Variants in FAM107B observed in about 807,000 individuals in gnomAD.
FAM107B encodes family with sequence similarity 107 member B, also known as protein FAM107B.
In FAM107B, 21 loss-of-function variants were observed where a neutral mutation model predicts 31.5. The ratio of observed to expected loss-of-function variants is 0.67; its 90% CI spans 0.47 to 0.96. The LOEUF (loss-of-function observed/expected upper bound fraction) is 0.96. FAM107B is among the 40% of genes least tolerant of loss of function. The pLI, the probability that FAM107B is intolerant of heterozygous loss-of-function variation, is 0.00. For missense variants in FAM107B, 452 were observed against 377.1 expected (o/e 1.20, Z -1.64); for synonymous variants, 157 against 141.5 (o/e 1.11, Z -0.78).
At chr10:14,677,355 C>T (rs555096906) in intron 1 of FAM107B, among the ~76,000 whole-genome samples, 150 of 152,310 alleles carry the variant, frequency 9.8e-4, no homozygotes, top group African/African-American at 3.4e-3. Flanking sequence ...GGCGCGGTGG[C>T]TCAATCCTGT....
chr10:14,639,563 A>G (rs1010701484), intron 2 of FAM107B, among the ~76,000 whole-genome samples: 4 of 152,014 alleles, frequency 2.6e-5, no homozygotes, highest in African/African-American at 9.7e-5. Flanking sequence ...TCTCAAGACT[A>G]CCCCCAAGAT....
At chr10:14,757,794 C>T (rs1832959779) in intron 1 of FAM107B, among the ~76,000 whole-genome samples, 1 of 152,158 alleles carries the variant, frequency 6.6e-6, no homozygotes, top group African/African-American at 2.4e-5. Context: ...CAAGATCTCC[C>T]GTTGAAATCA....
At chr10:14,683,455 C>T (rs12264162) in intron 1 of FAM107B, among the ~76,000 whole-genome samples, 35,081 of 152,096 alleles carry the variant, frequency 0.23, 4,505 homozygotes, top group East Asian at 0.5. Context: ...ATTCGTTGCA[C>T]GGTGGAAATT....
chr10:14,660,944 C>CA (rs1564617606), intron 2 of FAM107B, among the ~76,000 whole-genome samples: 1 of 152,164 alleles, frequency 6.6e-6, no homozygotes, highest in Non-Finnish European at 1.5e-5. Flanking sequence ...AGGGGCCTGG[C>CA]AGGAGGTGAC....
chr10:14,523,732 C>A (rs1845913471), intron 3 of FAM107B, among the ~76,000 whole-genome samples: 1 of 152,184 alleles, frequency 6.6e-6, no homozygotes, highest in South Asian at 2.1e-4. Flanking sequence ...ATCTGTAAAC[C>A]AATCCTCAAT....
chr10:14,597,820 C>T (rs983028320), intron 2 of FAM107B, among the ~76,000 whole-genome samples: 4 of 152,194 alleles, frequency 2.6e-5, no homozygotes, highest in African/African-American at 9.7e-5. Context: ...CGTGGTGGCA[C>T]ATGCCTGTAA....
chr10:14,623,790 A>T (rs1853079895), intron 2 of FAM107B, among the ~76,000 whole-genome samples: 1 of 152,148 alleles, frequency 6.6e-6, no homozygotes, highest in Non-Finnish European at 1.5e-5. Context: ...CGCCCACTGC[A>T]CTCCAGCCTG....
chr10:14,527,717 A>C (rs1204240331), intron 3 of FAM107B, among the ~76,000 whole-genome samples: 2 of 152,266 alleles, frequency 1.3e-5, no homozygotes, highest in African/African-American at 2.4e-5. Context: ...ACAGAAAAGC[A>C]AATGGATTTT....
intron 2 of FAM107B, among the ~76,000 whole-genome samples, chr10:14,556,799 TC>T (rs984209808): frequency 3.9e-5 from 6 of 152,056 alleles, no homozygotes; most frequent in African/African-American, 1.5e-4. Context: ...GAATGGACTT[TC>T]CCCCCATGGG....
chr10:14,635,285 G>T (rs1359517392), intron 2 of FAM107B, among the ~76,000 whole-genome samples: 1 of 152,080 alleles, frequency 6.6e-6, no homozygotes, highest in Non-Finnish European at 1.5e-5. Flanking sequence ...AAACCAGGAA[G>T]CCCTAAATTC....
chr10:14,719,951 T>TGCTGTTATTGATCTTTGGG (rs1554752708), intron 1 of FAM107B, among the ~76,000 whole-genome samples: 8 of 152,206 alleles, frequency 5.3e-5, no homozygotes, highest in South Asian at 4.2e-4. Flanking sequence ...TGTGGGCTCT[T>TGCTGTTATTGATCTTTGGG]TTCCTCACTG....
intron 1 of FAM107B, among the ~76,000 whole-genome samples, chr10:14,696,833 AC>A (rs1300923641): frequency 6.6e-6 from 1 of 152,036 alleles, no homozygotes; most frequent in African/African-American, 2.4e-5. Flanking sequence ...GAGGGAGCAG[AC>A]CCCGAGGTCC....
intron 2 of FAM107B, among the ~76,000 whole-genome samples, chr10:14,637,859 A>G (rs8181403): frequency 0.26 from 40,142 of 151,962 alleles, 5,727 homozygotes; most frequent in East Asian, 0.5. Flanking sequence ...CTACACCTGC[A>G]AAGAACTGAA....
chr10:14,588,429 C>T (rs1851912438), intron 2 of FAM107B, among the ~76,000 whole-genome samples: 1 of 152,208 alleles, frequency 6.6e-6, no homozygotes, highest in South Asian at 2.1e-4. Flanking sequence ...TGTTTAAAGT[C>T]ACCAGTGGGT....
chr10:14,663,946 T>C (rs993505132), intron 2 of FAM107B, among the ~76,000 whole-genome samples: 6 of 142,432 alleles, frequency 4.2e-5, no homozygotes, highest in Non-Finnish European at 6.1e-5. Context: ...TCACTTGGAA[T>C]CCAATTTACA....
intron 3 of FAM107B, among the ~76,000 whole-genome samples, chr10:14,527,083 C>T (rs1036225469): frequency 1.2e-4 from 18 of 151,676 alleles, no homozygotes; most frequent in Non-Finnish European, 5.9e-5. Flanking sequence ...GTGATCCACC[C>T]GCCTCGGCCT....
At chr10:14,686,534 G>A (rs901686169) in intron 1 of FAM107B, among the ~76,000 whole-genome samples, 4 of 152,128 alleles carry the variant, frequency 2.6e-5, no homozygotes, top group African/African-American at 7.2e-5. Context: ...CAGAAGTCAC[G>A]GCCCTAGGCA....
intron 2 of FAM107B, among the ~76,000 whole-genome samples, chr10:14,539,953 T>G (rs1157759620): frequency 1.3e-5 from 2 of 152,124 alleles, no homozygotes; most frequent in Non-Finnish European, 2.9e-5. Context: ...GTCCCCTAGG[T>G]TCAGCCAACA....
intron 2 of FAM107B, among the ~76,000 whole-genome samples, chr10:14,573,721 C>T (rs1205058632): frequency 6.6e-6 from 1 of 152,020 alleles, no homozygotes; most frequent in East Asian, 1.9e-4. Context: ...CCAGCCTGGG[C>T]AACTCCATCT....
Sources: gnomAD v4.1 joint callset for allele counts (sites outside exome capture counted in the v4.1 genomes callset) on GRCh38, gnomAD v4.1.1 for gene constraint, MANE v1.5 for transcripts, NCBI Gene and HGNC (gene_info 2026-07-23, HGNC 2026-07-21) for gene names.